OTUD4: variants seen among roughly 807,000 people sequenced by gnomAD.
The protein encoded by OTUD4 is OTU domain-containing protein 4.
In OTUD4, 24 loss-of-function variants were observed where a neutral mutation model predicts 130.4. The observed-to-expected ratio is 0.18, with a 90% CI of 0.13 to 0.26. The LOEUF is 0.26. OTUD4 is among the 10% of genes least tolerant of loss of function. OTUD4 has a pLI of 1.00. For synonymous variants in OTUD4, 420 were observed against 472.5 expected, an observed-to-expected ratio of 0.89 and a Z score of 1.44; for missense variants, 1,031 against 1,329.4, an observed-to-expected ratio of 0.78 and a Z score of 3.49.
intron 3 of OTUD4, chr4:145,170,822 C>G (rs1752123098): frequency 1.3e-5 from 2 of 152,172 alleles, no homozygotes; most frequent in Admixed American, 6.5e-5. Flanking sequence ...AAATGGCATT[C>G]CAAGATACTT....
chr4:145,144,748 AAAC>A (rs767588493), intron 14 of OTUD4, among the ~76,000 whole-genome samples: 4 of 152,180 alleles, frequency 2.6e-5, no homozygotes, highest in South Asian at 4.1e-4. Context: ...CTTTCAAAAA[AAAC>A]AACATCTTCT....
Position 145,150,823 on chromosome 4 carries a change from A to G in OTUD4, c.1051T>C (p.Ser351Pro). 1 of 1,613,814 alleles carries G rather than the reference A, an allele frequency of 6.2e-7. No homozygotes were observed. Among genetic ancestry groups the G allele is most frequent in the Non-Finnish European group, 8.5e-7 (1 of 1,179,786 alleles). Residue 351 changes from serine to proline, a missense_variant, in exon 12 of 21, where the codon TCT (serine) becomes CCT (proline). Ser to Pro is a moderately conservative substitution (Grantham distance 74, BLOSUM62 -1). Around this residue, in one of 3 missense-constraint regions of OTUD4, gnomAD observed 900 missense variants for 1,095.9 expected, o/e 0.82. Coordinates refer to ENST00000447906, the MANE Select transcript of OTUD4 (RefSeq NM_001366057.1). Reference protein sequence around the residue: ...SGKKMKKPSTSGQNFHSDVDY... With the variant: ...SGKKMKKPSTPGQNFHSDVDY... ...CTACCAGAATGGAAATTTTGTCCAG[A>G]AGTGGAAGGTTTTTTCATCTTCTTC... is the stretch of plus-strand genomic sequence containing the variant.
At position 145,137,342 on chromosome 4, in the gene OTUD4, G is replaced by A. The variant is rs1750325714; in HGVS notation, c.*88C>T. ...CTGGGGAGAGGAAAGAGTTCCAACTGCGGTTTTTACTTTATTGTATTTTTT... is the reference window on the plus strand; with the variant it reads ...CTGGGGAGAGGAAAGAGTTCCAACTACGGTTTTTACTTTATTGTATTTTTT... On this transcript the variant is annotated 3_prime_UTR_variant, in exon 21 of 21. Transcript: ENST00000447906. 1 of 1,107,484 alleles carries A rather than the reference G, an allele frequency of 9.0e-7. No homozygotes were observed. The allele number at this position is 1,107,484 out of a possible 1,614,324, so 68.6% of individuals were successfully genotyped here. A position where few individuals can be genotyped will look rare whatever the true frequency, so the allele number is the denominator to read the frequency against.
At chr4:145,158,590 T>G (rs1454723101) in intron 7 of OTUD4, among the ~76,000 whole-genome samples, 2 of 152,204 alleles carry the variant, frequency 1.3e-5, no homozygotes, top group African/African-American at 2.4e-5. Context: ...TCCTAAGCCT[T>G]AAGTTCCATT....
At chr4:145,139,914 G>T (rs1317235746) in intron 20 of OTUD4, 37 bp downstream of exon 20, 3 of 659,902 alleles carry the variant, frequency 4.5e-6, no homozygotes, top group South Asian at 3.5e-5. Flanking sequence ...CACTATTAAT[G>T]AATAAAATAA....
chr4:145,178,691 A>C (rs1441177068), intron 1 of OTUD4: 1 of 152,234 alleles, frequency 6.6e-6, no homozygotes, highest in African/African-American at 2.4e-5. Context: ...GTTTTAAAGA[A>C]AGATTTTACG....
At chr4:145,146,097 A>G (rs1391533409) in intron 14 of OTUD4, 170 bp downstream of exon 14, 1 of 425,240 alleles carries the variant, frequency 2.4e-6, no homozygotes, top group African/African-American at 2.1e-5. Flanking sequence ...GTCTAGAGAT[A>G]TTACTAAATA....
chr4:145,177,306 TTCTTC>T (rs1752474773), intron 1 of OTUD4, among the ~76,000 whole-genome samples: 1 of 152,248 alleles, frequency 6.6e-6, no homozygotes, highest in Non-Finnish European at 1.5e-5. Context: ...TATCTACTGG[TTCTTC>T]TCTTTTAACA....
chr4:145,142,215 A>G lies in OTUD4; in HGVS notation c.1803T>C (p.Pro601=). 1 of 1,613,940 alleles carries G rather than the reference A, an allele frequency of 6.2e-7. No individual in the cohort carries two copies. The highest frequency in any genetic ancestry group is 8.5e-7 in the Non-Finnish European group (1 of 1,179,890). The change falls in exon 18 of 21, where the codon CCT becomes CCC. Residue 601 remains proline, a synonymous_variant. Transcript: ENST00000447906. ...PATVPAWPSE[P]TTFGPTGVPA... Reference sequence around the variant, plus strand: ...TCTAACCTGTTGGTCCAAAAGTTGTAGGTTCACTTGGCCAGGCTGGCACAG... The same window carrying G: ...TCTAACCTGTTGGTCCAAAAGTTGTGGGTTCACTTGGCCAGGCTGGCACAG...
At position 145,180,398 on chromosome 4, in the gene OTUD4, C is replaced by T. The variant is rs1461445874; in HGVS notation, c.-425G>A. ...GCACGCTGGGCCGGCTCAGGTGAAG[C>T]GGGGCCTGCGCCCCCGCGCACTCCC... On this transcript the variant is annotated 5_prime_UTR_variant, in exon 1 of 21. Transcript: ENST00000447906. Among the ~76,000 whole-genome samples the T allele has an allele frequency of 6.6e-6, 1 of 152,170 alleles. No homozygotes were observed. Among genetic ancestry groups the T allele is most frequent in the Non-Finnish European group, 1.5e-5 (1 of 68,018 alleles).
At chr4:145,163,285 C>T (rs979603588) in intron 5 of OTUD4, among the ~76,000 whole-genome samples, 1 of 152,218 alleles carries the variant, frequency 6.6e-6, no homozygotes, top group Non-Finnish European at 1.5e-5. Flanking sequence ...ACACCACCAG[C>T]ATGGTGGAAC....
chr4:145,180,369 G>A lies in OTUD4; in HGVS notation c.-396C>T, dbSNP rs1752636146. Reference sequence around the variant, plus strand: ...TGAAGCGAGAAAACCCCCGCCCCTGGCGCGCACGCTGGGCCGGCTCAGGTG... The same window carrying A: ...TGAAGCGAGAAAACCCCCGCCCCTGACGCGCACGCTGGGCCGGCTCAGGTG... On this transcript the variant is annotated 5_prime_UTR_variant, in exon 1 of 21. Coordinates refer to ENST00000447906, the MANE Select transcript of OTUD4 (RefSeq NM_001366057.1). 6.6e-6 allele frequency among the ~76,000 whole-genome samples: 1 copy of A among 152,182 alleles called. No homozygotes were observed. The highest frequency in any genetic ancestry group is 2.4e-5 in the African/African-American group (1 of 41,462).
rs1022204577 is a variant in OTUD4 at position 145,137,682 on chromosome 4, A to G, written c.3093T>C (p.Ser1031=). The change falls in exon 21 of 21, where the codon TCT becomes TCC. Residue 1031 remains serine, a synonymous_variant. Transcript: ENST00000447906. ...EESSEDENEV[S]NILRSGRSKQ... ...TGGATCTACCACTTCTCAAAATATT[A>G]GACACTTCATTTTCATCTTCTGAAC... 4.3e-6 allele frequency: 7 copies of G among 1,613,874 alleles called. No individual in the cohort carries two copies. In the African/African-American group the frequency reaches 8.0e-5, roughly 18 times the overall value.
rs1473254366 is a variant in OTUD4, at chr4:145,137,512, T to C, written c.3263A>G (p.His1088Arg). The change falls in exon 21 of 21, where the codon CAT (histidine) becomes CGT (arginine). Residue 1088 changes from histidine to arginine, a missense_variant. Transcript: ENST00000447906. Reference protein sequence around the residue: ...SRSRDEGYQYHRNVRGRPFRG... With the variant: ...SRSRDEGYQYRRNVRGRPFRG... ...AAATGGTCGCCCTCTGACATTTCGATGGTACTGATAACCTTCATCCCGACT... is the reference window on the plus strand; with the variant it reads ...AAATGGTCGCCCTCTGACATTTCGACGGTACTGATAACCTTCATCCCGACT... 4 of 1,612,154 alleles carry C rather than the reference T, an allele frequency of 2.5e-6. No homozygotes were observed. In the South Asian group the frequency reaches 4.4e-5, roughly 18 times the overall value.
At position 145,162,680 on chromosome 4, in the gene OTUD4, C is replaced by T. The variant is rs146306989; in HGVS notation, c.456G>A (p.Val152=). 6.5e-3 allele frequency: 10,254 copies of T among 1,565,504 alleles called. 52 individuals carry two copies. Among genetic ancestry groups the T allele is most frequent in the Middle Eastern group, 8.8e-3 (52 of 5,942 alleles). The stretch of plus-strand genomic sequence containing the variant: ...AGCTTTCTTTATACTTTATGGGATA[C>T]ACAATATCATAATGATTTCCATTTG... The part of the protein sequence containing the change: ...CFSNGNHYDI[V]YPIKYKESSA... The change falls in exon 6 of 21, where the codon GTG becomes GTA. Residue 152 remains valine, a synonymous_variant. Transcript: ENST00000447906.
At chr4:145,166,736 G>A (rs1257876687) in intron 3 of OTUD4, among the ~76,000 whole-genome samples, 2 of 152,150 alleles carry the variant, frequency 1.3e-5, no homozygotes, top group Non-Finnish European at 2.9e-5. Context: ...AGCTACTCGG[G>A]GGCTGAGGGA....
At chr4:145,175,952 C>T (rs943130963) in intron 1 of OTUD4, among the ~76,000 whole-genome samples, 6 of 152,050 alleles carry the variant, frequency 3.9e-5, no homozygotes, top group Admixed American at 1.3e-4. Flanking sequence ...CCGCAACCTC[C>T]GCCTCACAAG....
intron 6 of OTUD4, 48 bp from the exon 7 acceptor site, chr4:145,159,683 T>A (rs1751462428): frequency 1.3e-6 from 2 of 1,588,280 alleles, no homozygotes; most frequent in East Asian, 4.5e-5. Flanking sequence ...ACAGGCAGTT[T>A]TTTAAAAACA....
At chr4:145,146,450 G>T (rs922343753) in intron 13 of OTUD4, 21 bp from the exon 14 acceptor site, 9 of 1,343,868 alleles carry the variant, frequency 6.7e-6, no homozygotes, top group Non-Finnish European at 8.0e-6. Flanking sequence ...AAACATTCTT[G>T]TCAGAAAATA....
Sources: allele counts gnomAD v4.1 joint callset (sites outside exome capture counted in the v4.1 genomes callset), GRCh38; gene constraint gnomAD v4.1.1; regional missense constraint gnomAD v4.1.1; transcripts MANE v1.5; gene names NCBI Gene and HGNC (gene_info 2026-07-23, HGNC 2026-07-21).